MYO1D: variants seen among roughly 807,000 people sequenced by gnomAD.
MYO1D encodes unconventional myosin-Id.
MYO1D carries 83 observed loss-of-function variants against 122.0 expected under a neutral mutation model. That is an observed-to-expected ratio of 0.68 (90% CI 0.57 to 0.82). The LOEUF is 0.82. Ranked by LOEUF, MYO1D falls within the 40% of genes least tolerant of loss-of-function variation. MYO1D has a pLI of 0.00. For missense variants in MYO1D, 1,157 were observed against 1,269.5 expected, an observed-to-expected ratio of 0.91 and a Z score of 1.35; for synonymous variants, 464 against 446.9, an observed-to-expected ratio of 1.04 and a Z score of -0.48.
At chr17:32,606,065 AC>A (rs951074574) in intron 20 of MYO1D, among the ~76,000 whole-genome samples, 1 of 152,052 alleles carries the variant, frequency 6.6e-6, no homozygotes, top group African/African-American at 2.4e-5. Context: ...ATGCCACTGT[AC>A]TCCACTCCAG....
At position 32,688,379 on chromosome 17, in the gene MYO1D, C is replaced by T. The variant is rs191037132; in HGVS notation, c.2121+23609G>A. 5.9e-5 allele frequency among the ~76,000 whole-genome samples: 9 copies of T among 152,236 alleles called. No homozygotes were observed. The East Asian group carries it at 1.4e-3, about 23-fold the overall frequency. ...AGAATGACCTAAAACCTTACACGAA[C>T]GTAAATCCTACAATAAAACTAACAG... On this transcript the variant is annotated intron_variant, in intron 16 of 21. Transcript: ENST00000318217.
intron 21 of MYO1D, among the ~76,000 whole-genome samples, chr17:32,518,166 T>C (rs546749620): frequency 1.8e-4 from 27 of 152,372 alleles, no homozygotes; most frequent in African/African-American, 6.5e-4. Context: ...CACTCCGCCA[T>C]CACCCTCTTT....
At chr17:32,507,369 A>C (rs1909536415) in intron 21 of MYO1D, among the ~76,000 whole-genome samples, 2 of 152,156 alleles carry the variant, frequency 1.3e-5, no homozygotes, top group African/African-American at 4.8e-5. Flanking sequence ...GTGCCACTGC[A>C]CTCCAATCTG....
At chr17:32,612,696 C>CAAAAAAAAAAAAAAAAAA (rs1158470135) in intron 20 of MYO1D, among the ~76,000 whole-genome samples, 4 of 104,608 alleles carry the variant, frequency 3.8e-5, no homozygotes, top group Admixed American at 1.2e-4. Flanking sequence ...AAAAAAAAAA[C>CAAAAAAAAAAAAAAAAAA]AAAAAAAAAA....
Position 32,494,782 on chromosome 17 carries a change from T to G in MYO1D, c.2998A>C (p.Ile1000Leu), listed in dbSNP as rs1490854610. The change falls in exon 22 of 22, where the codon ATC (isoleucine) becomes CTC (leucine). Residue 1000 changes from isoleucine to leucine, a missense_variant. Ile to Leu is a conservative substitution (Grantham distance 5). Coordinates refer to ENST00000318217, the MANE Select transcript of MYO1D (RefSeq NM_015194.3). ...PDFTKNRSGFILSVPGN is the reference protein window; with the variant it reads ...PDFTKNRSGFLLSVPGN ...CGTCAGTTCCCGGGCACGCTGAGGA[T>G]GAAGCCCGAGCGATTCTTGGTGAAG... The G allele has an allele frequency of 6.2e-7, 1 of 1,610,012 alleles. No homozygotes were observed. Among genetic ancestry groups the G allele is most frequent in the Admixed American group, 1.7e-5 (1 of 59,496 alleles).
intron 19 of MYO1D, among the ~76,000 whole-genome samples, chr17:32,649,061 T>C (rs890843053): frequency 6.6e-6 from 1 of 152,230 alleles, no homozygotes; most frequent in Non-Finnish European, 1.5e-5. Flanking sequence ...TATATTTCCA[T>C]TTCCCCCATC....
intron 16 of MYO1D, among the ~76,000 whole-genome samples, chr17:32,695,364 C>T (rs535920604): frequency 1.5e-3 from 222 of 152,326 alleles, no homozygotes; most frequent in Non-Finnish European, 1.8e-3. Flanking sequence ...TGCTGCTGTG[C>T]GGCCTGGTTC....
chr17:32,544,526 G>GA (rs1197775300), intron 21 of MYO1D, among the ~76,000 whole-genome samples: 3 of 152,184 alleles, frequency 2.0e-5, no homozygotes, highest in Admixed American at 2.0e-4. Context: ...TAGGATTGGG[G>GA]TGGTAAAAGT....
At chr17:32,674,979 G>A (rs1036652786) in intron 16 of MYO1D, among the ~76,000 whole-genome samples, 1 of 152,204 alleles carries the variant, frequency 6.6e-6, no homozygotes, top group African/African-American at 2.4e-5. Context: ...GTCTTAGACT[G>A]TAATTGATAG....
At chr17:32,503,374 C>CT (rs1394215248) in intron 21 of MYO1D, among the ~76,000 whole-genome samples, 1 of 152,212 alleles carries the variant, frequency 6.6e-6, no homozygotes, top group Non-Finnish European at 1.5e-5. Flanking sequence ...CTGCCCTGCC[C>CT]CTGCAGAAGC....
chr17:32,664,972 C>T (rs2150957103), intron 16 of MYO1D, among the ~76,000 whole-genome samples: 1 of 152,260 alleles, frequency 6.6e-6, no homozygotes, highest in Non-Finnish European at 1.5e-5. Flanking sequence ...CTCCCGCTGT[C>T]CTCTCCCCTG....
intron 14 of MYO1D, among the ~76,000 whole-genome samples, chr17:32,736,573 C>T (rs2089703858): frequency 2.0e-5 from 3 of 152,158 alleles, no homozygotes; most frequent in Admixed American, 2.0e-4. Context: ...TAATAAATGT[C>T]TCTCTTATTT....
intron 19 of MYO1D, among the ~76,000 whole-genome samples, chr17:32,651,044 G>A (rs1050615228): frequency 1.3e-5 from 2 of 152,094 alleles, no homozygotes; most frequent in Admixed American, 6.5e-5. Context: ...TAGGTTACTT[G>A]GGAACAGTTT....
In MYO1D at chr17:32,494,846, G is replaced by T; in HGVS notation, c.2934C>A (p.Thr978=). The T allele has an allele frequency of 1.2e-6, 2 of 1,614,030 alleles. No individual in the cohort carries two copies. Among genetic ancestry groups the T allele is most frequent in the Non-Finnish European group, 1.7e-6 (2 of 1,179,956 alleles). ...GGTTGAGCCGCGTCTCCACGGAGAC[G>T]GTGCACTTCTTCCCGTGCAGGCTGC... ...VQCSLHGKKC[T]VSVETRLNQP... Residue 978 remains threonine (T), a synonymous_variant, in exon 22 of 22, where the codon ACC becomes ACA. Transcript: ENST00000318217.
intron 1 of MYO1D, among the ~76,000 whole-genome samples, chr17:32,837,918 T>G (rs1241450421): frequency 6.6e-6 from 1 of 152,230 alleles, no homozygotes; most frequent in Non-Finnish European, 1.5e-5. Context: ...ATTTATCAAG[T>G]GCTTTTTAGA....
At chr17:32,506,440 A>G (rs947237295) in intron 21 of MYO1D, among the ~76,000 whole-genome samples, 1 of 152,060 alleles carries the variant, frequency 6.6e-6, no homozygotes, top group African/African-American at 2.4e-5. Flanking sequence ...AGCACAGTGC[A>G]AAAAAATTAT....
chr17:32,581,207 A>C (rs1180552930), intron 21 of MYO1D, among the ~76,000 whole-genome samples: 3 of 152,158 alleles, frequency 2.0e-5, no homozygotes, highest in Non-Finnish European at 4.4e-5. Flanking sequence ...ATTTAATCTA[A>C]GCTGTCAAAT....
At chr17:32,687,320 C>G (rs1272627867) in intron 16 of MYO1D, among the ~76,000 whole-genome samples, 1 of 151,980 alleles carries the variant, frequency 6.6e-6, no homozygotes, top group Non-Finnish European at 1.5e-5. Context: ...CCTCAGCCTC[C>G]CAAGTAGCTG....
rs376589213 is a variant in MYO1D at position 32,738,396 on chromosome 17, C to A, written c.1614-11G>T. On this transcript the variant is annotated splice_polypyrimidine_tract_variant and intron_variant, in intron 13 of 21. Coordinates refer to ENST00000318217, the MANE Select transcript of MYO1D (RefSeq NM_015194.3). Reference sequence around the variant, plus strand: ...AGCACAGGATTTGAACTGAGAAGCACAGAAAAAACAATTCAAATGTCACAT... The same window carrying A: ...AGCACAGGATTTGAACTGAGAAGCAAAGAAAAAACAATTCAAATGTCACAT... 127 of 1,551,154 alleles carry A rather than the reference C, an allele frequency of 8.2e-5. No homozygotes were observed. Among genetic ancestry groups the A allele is most frequent in the Non-Finnish European group, 4.7e-5 (54 of 1,148,900 alleles).
Sources: allele counts gnomAD v4.1 joint callset (sites outside exome capture counted in the v4.1 genomes callset), GRCh38; gene constraint gnomAD v4.1.1; transcripts MANE v1.5; gene names NCBI Gene and HGNC (gene_info 2026-07-23, HGNC 2026-07-21).